The following CRACR2A variants were observed in gnomAD, a reference collection of about 807,000 sequenced individuals.
CRACR2A encodes the protein EF-hand calcium-binding domain-containing protein 4B.
In CRACR2A, 79 loss-of-function variants were observed where a neutral mutation model predicts 90.5. That is an observed-to-expected ratio of 0.87 (90% confidence interval 0.73 to 1.05). The LOEUF is 1.05. CRACR2A is among the 50% of genes least tolerant of loss of function. The pLI, the probability that CRACR2A is intolerant of heterozygous loss-of-function variation, is 0.00. For missense variants in CRACR2A, 823 were observed against 897.2 expected, an observed-to-expected ratio of 0.92 and a Z score of 1.06; for synonymous variants, 338 against 356.7, an observed-to-expected ratio of 0.95 and a Z score of 0.59.
intron 4 of CRACR2A, among the ~76,000 whole-genome samples, chr12:3,687,495 A>T (rs968114261): frequency 1.3e-5 from 2 of 152,204 alleles, no homozygotes; most frequent in African/African-American, 4.8e-5. Context: ...AATGGCCTCC[A>T]GCTCCATCCA....
intron 10 of CRACR2A, among the ~76,000 whole-genome samples, chr12:3,649,094 G>C (rs565152351): frequency 1.3e-5 from 2 of 152,010 alleles, no homozygotes; most frequent in African/African-American, 2.4e-5. Context: ...GTGGGGGAAG[G>C]GGGGAGGGAT....
intron 3 of CRACR2A, among the ~76,000 whole-genome samples, chr12:3,700,730 C>A (rs1360817066): frequency 6.6e-6 from 1 of 152,186 alleles, no homozygotes; most frequent in Non-Finnish European, 1.5e-5. Flanking sequence ...ACTGATTGAA[C>A]TCCAAGGAAA....
intron 12 of CRACR2A, among the ~76,000 whole-genome samples, chr12:3,642,932 G>A (rs1444698561): frequency 6.6e-6 from 1 of 152,192 alleles, no homozygotes; most frequent in Non-Finnish European, 1.5e-5. Context: ...TGAAGGTATG[G>A]CTATGCTGAT....
At chr12:3,673,715 G>C (rs1945292909) in intron 6 of CRACR2A, 123 bp from the exon 7 acceptor site, 1 of 1,264,146 alleles carries the variant, frequency 7.9e-7, no homozygotes, top group South Asian at 1.5e-5. Flanking sequence ...AAAGATGACA[G>C]TAGCTAACGT....
intron 18 of CRACR2A, among the ~76,000 whole-genome samples, chr12:3,617,916 C>T (rs747113087): frequency 1.3e-5 from 2 of 152,182 alleles, no homozygotes; most frequent in African/African-American, 2.4e-5. Context: ...GACCCTCTGC[C>T]CTTTTCACCC....
In CRACR2A at chr12:3,615,354, A is replaced by G; in HGVS notation, c.*1T>C. On this transcript the variant is annotated 3_prime_UTR_variant, in exon 20 of 20. Transcript: ENST00000440314. The stretch of plus-strand genomic sequence containing the variant: ...CTGGGGGCAGTCCTTGTAGGACCCT[A>G]TCAGCCACAGCAGGATTTCTTCTTA... 1 of 1,551,544 alleles carries G rather than the reference A, an allele frequency of 6.4e-7. No individual in the cohort carries two copies. The highest frequency in any genetic ancestry group is 8.7e-7 in the Non-Finnish European group (1 of 1,146,866).
chr12:3,627,898 G>A (rs1565463053), intron 15 of CRACR2A, among the ~76,000 whole-genome samples, 192 bp from the exon 16 acceptor site: 1 of 152,172 alleles, frequency 6.6e-6, no homozygotes, highest in Non-Finnish European at 1.5e-5. Flanking sequence ...CTCAGCTCTG[G>A]TCCTGTCTCT....
Position 3,633,649 on chromosome 12 carries a change from T to G in CRACR2A, c.1690A>C (p.Arg564=). 2 of 1,551,566 alleles carry G rather than the reference T, an allele frequency of 1.3e-6. No individual in the cohort carries two copies. Among genetic ancestry groups the G allele is most frequent in the Non-Finnish European group, 1.7e-6 (2 of 1,146,988 alleles). ...GGGGAGAACCGGTCCTCACAGAATC[T>G]CCTCAGGAAGGATGTCTTCCCCACC... The part of the protein sequence containing the change: ...SAVGKTSFLR[R]FCEDRFSPGM... Residue 564 remains arginine (R), a synonymous_variant, in exon 15 of 20, where the codon AGA becomes CGA. Transcript: ENST00000440314. The surrounding 1 kb of genome is among the most constrained non-coding windows in gnomAD (Gnocchi z 4.5).
intron 12 of CRACR2A, 125 bp downstream of exon 12, chr12:3,644,470 G>A: frequency 9.9e-7 from 1 of 1,005,394 alleles, no homozygotes; most frequent in East Asian, 2.6e-5. Context: ...ACGTTTTCAT[G>A]CCGTCATCCT....
chr12:3,657,932 G>T (rs1269366537), intron 8 of CRACR2A, among the ~76,000 whole-genome samples: 1 of 152,138 alleles, frequency 6.6e-6, no homozygotes, highest in Non-Finnish European at 1.5e-5. Context: ...TCCAAATTCC[G>T]GTCCGAGGGT....
chr12:3,639,681 A>G (rs2137367395), intron 13 of CRACR2A, among the ~76,000 whole-genome samples: 1 of 152,354 alleles, frequency 6.6e-6, no homozygotes, highest in South Asian at 2.1e-4. Flanking sequence ...AAATGCAGGT[A>G]TCACCATCCT....
Position 3,679,036 on chromosome 12 carries a change from G to C in CRACR2A, c.403C>G (p.Arg135Gly). 1 of 1,613,852 alleles carries C rather than the reference G, an allele frequency of 6.2e-7. No homozygotes were observed. The highest frequency in any genetic ancestry group is 1.1e-5 in the South Asian group (1 of 91,020). The part of the protein sequence containing the change: ...QEDAGEQVAQ[R>G]HEEKVYLSRG... ...GACAGATACACCTTCTCTTCATGGC[G>C]CTGGGCCACCTGTTCACCTGCATCT... Residue 135 changes from arginine (R) to glycine (G), a missense_variant, in exon 6 of 20, where the codon CGC (arginine) becomes GGC (glycine). Transcript: ENST00000440314.
intron 10 of CRACR2A, among the ~76,000 whole-genome samples, chr12:3,649,149 G>A (rs1430245517): frequency 6.6e-6 from 1 of 152,054 alleles, no homozygotes; most frequent in African/African-American, 2.4e-5. Context: ...GTTAATGGGT[G>A]CAGCACACCA....
intron 17 of CRACR2A, among the ~76,000 whole-genome samples, 152 bp from the exon 18 acceptor site, chr12:3,619,524 A>T (rs953022664): frequency 1.3e-5 from 2 of 152,208 alleles, no homozygotes; most frequent in Non-Finnish European, 2.9e-5. Context: ...CTGAAAGCAG[A>T]AAACAGCCGC....
intron 15 of CRACR2A, among the ~76,000 whole-genome samples, chr12:3,628,632 T>C (rs17697650): frequency 0.064 from 9,753 of 152,248 alleles, 359 homozygotes; most frequent in Middle Eastern, 0.13. Flanking sequence ...TTGATACAGG[T>C]ATTCCCCACT....
Position 3,656,294 on chromosome 12 carries a change from C to T in CRACR2A, c.858+17G>A, listed in dbSNP as rs1485824968. 8 of 1,612,970 alleles carry T rather than the reference C, an allele frequency of 5.0e-6. No homozygotes were observed. In the South Asian group the frequency reaches 8.8e-5, roughly 18 times the overall value. On this transcript the variant is annotated intron_variant, in intron 9 of 19. Coordinates refer to ENST00000440314, the MANE Select transcript of CRACR2A (RefSeq NM_001144958.2). ...AGTGAAGAGCCAGGTACTCTGGGGC[C>T]ATGGATGGCAACATACCCTTTTCTG...
At chr12:3,640,809 AG>A in intron 13 of CRACR2A, 1 of 1,305,042 alleles carries the variant, frequency 7.7e-7, no homozygotes, top group Non-Finnish European at 1.0e-6. Context: ...GCCAAAATGA[AG>A]AGTGGGCAGG....
chr12:3,657,136 C>T (rs1428828197), intron 8 of CRACR2A, among the ~76,000 whole-genome samples: 5 of 152,206 alleles, frequency 3.3e-5, no homozygotes, highest in East Asian at 1.9e-4. Context: ...GCCCCTGAGC[C>T]GAGCGGGACA....
At chr12:3,647,959 T>A (rs1172735303) in intron 11 of CRACR2A, 1 of 985,266 alleles carries the variant, frequency 1.0e-6, no homozygotes, top group Admixed American at 6.2e-5. Context: ...AAACTTTGAG[T>A]TTATTGCTGG....
Sources: allele counts gnomAD v4.1 joint callset (sites outside exome capture counted in the v4.1 genomes callset), GRCh38; gene constraint gnomAD v4.1.1; non-coding constraint Gnocchi (gnomAD v3.1); transcripts MANE v1.5; gene names NCBI Gene and HGNC (gene_info 2026-07-23, HGNC 2026-07-21).